NTF3: variants seen among roughly 807,000 people sequenced by gnomAD.
The protein encoded by NTF3 is neurotrophin-3.
NTF3 carries 8 observed loss-of-function variants against 26.3 expected under a neutral mutation model. The ratio of observed to expected loss-of-function variants is 0.30; its 90% CI spans 0.18 to 0.55. NTF3 has a LOEUF of 0.55. Among genes scored for constraint, NTF3 ranks in the 20% least tolerant of loss-of-function variants. The probability of loss-of-function intolerance (pLI) is 0.93; values close to 1 mark genes in which losing one functional copy is unlikely to be tolerated. For missense variants in NTF3, 276 were observed against 352.9 expected (o/e 0.78, Z 1.75); for synonymous variants, 154 against 145.5 (o/e 1.06, Z -0.42).
At chr12:5,448,859 G>A (rs1227222654) in intron 1 of NTF3, among the ~76,000 whole-genome samples, 3 of 152,310 alleles carry the variant, frequency 2.0e-5, no homozygotes, top group Non-Finnish European at 4.4e-5. Flanking sequence ...TGTGAAAAAT[G>A]AACTCTGCCC....
At chr12:5,432,888 C>G (rs568716762) in intron 1 of NTF3, among the ~76,000 whole-genome samples, 1 of 152,200 alleles carries the variant, frequency 6.6e-6, no homozygotes, top group Non-Finnish European at 1.5e-5. Flanking sequence ...GCCGCGGCAG[C>G]TCCCCTGCAC....
chr12:5,487,126 T>C (rs1221516136), intron 1 of NTF3, among the ~76,000 whole-genome samples: 1 of 152,222 alleles, frequency 6.6e-6, no homozygotes, highest in African/African-American at 2.4e-5. Context: ...AACCTGAGTT[T>C]CCTGGGGCTT....
intron 1 of NTF3, among the ~76,000 whole-genome samples, chr12:5,453,978 G>A (rs1386037066): frequency 1.3e-5 from 2 of 152,240 alleles, no homozygotes; most frequent in Non-Finnish European, 2.9e-5. Context: ...ACAACAGAGT[G>A]AGGCCCTTGG....
chr12:5,461,191 A>G (rs964893657), intron 1 of NTF3, among the ~76,000 whole-genome samples: 1 of 152,200 alleles, frequency 6.6e-6, no homozygotes, highest in Non-Finnish European at 1.5e-5. Flanking sequence ...GATTTGCCCA[A>G]AGAGCATTTC....
intron 1 of NTF3, among the ~76,000 whole-genome samples, chr12:5,448,429 C>T (rs1473506089): frequency 1.3e-5 from 2 of 152,066 alleles, no homozygotes; most frequent in Non-Finnish European, 2.9e-5. Flanking sequence ...ACAGATTCTC[C>T]GACATGCCTC....
chr12:5,447,986 G>T (rs1398900980), intron 1 of NTF3, among the ~76,000 whole-genome samples: 1 of 152,204 alleles, frequency 6.6e-6, no homozygotes, highest in Non-Finnish European at 1.5e-5. Flanking sequence ...TAAAAATGGT[G>T]TCCAGGAAAC....
rs35988749 is a variant in NTF3, at chr12:5,494,484, C to T, written c.309C>T (p.Thr103=). 5,537 of 1,613,804 alleles carry T rather than the reference C, an allele frequency of 3.4e-3. 11 individuals are homozygous for T. The highest frequency in any genetic ancestry group is 4.3e-3 in the Non-Finnish European group (5,062 of 1,180,032). The change falls in exon 2 of 2, where the codon ACC becomes ACT. Residue 103 remains threonine, a synonymous_variant. Coordinates refer to ENST00000423158, the MANE Select transcript of NTF3 (RefSeq NM_001102654.2). This position sits in a 1 kb window ranked among gnomAD's most constrained non-coding sequence, Gnocchi z 8.3. ...TCCAGCCGGTGATTGCAATGGACAC[C>T]GAACTGCTGCGACAACAGAGACGCT... The part of the protein sequence containing the change: ...SAFQPVIAMD[T]ELLRQQRRYN...
At chr12:5,454,576 C>A (rs1166996759) in intron 1 of NTF3, among the ~76,000 whole-genome samples, 1 of 152,200 alleles carries the variant, frequency 6.6e-6, no homozygotes, top group Non-Finnish European at 1.5e-5. Flanking sequence ...ATAGTCAGTT[C>A]TCTTTGGGGT....
At chr12:5,455,434 G>T (rs1039966008) in intron 1 of NTF3, among the ~76,000 whole-genome samples, 3 of 151,976 alleles carry the variant, frequency 2.0e-5, no homozygotes, top group Non-Finnish European at 2.9e-5. Flanking sequence ...CAGGGCTTAG[G>T]GCAGAAGTGC....
At chr12:5,475,768 C>T (rs551422092) in intron 1 of NTF3, among the ~76,000 whole-genome samples, 6 of 151,482 alleles carry the variant, frequency 4.0e-5, no homozygotes, top group African/African-American at 7.3e-5. Context: ...CCCAAGAGGT[C>T]GGGGCTGCAG....
chr12:5,448,125 A>T (rs1463674315), intron 1 of NTF3, among the ~76,000 whole-genome samples: 2 of 152,166 alleles, frequency 1.3e-5, no homozygotes, highest in African/African-American at 2.4e-5. Flanking sequence ...TCCTCCTCTT[A>T]CATGAGAATG....
chr12:5,445,857 G>A (rs1940299269), intron 1 of NTF3, among the ~76,000 whole-genome samples: 1 of 152,154 alleles, frequency 6.6e-6, no homozygotes, highest in Admixed American at 6.5e-5. Context: ...TTCTTCTAAG[G>A]ATGTTCAACT....
At position 5,491,495 on chromosome 12, in the gene NTF3, C is replaced by A. The variant is rs567874101; in HGVS notation, c.19-2699C>A. Among the ~76,000 whole-genome samples, 3 of 152,194 alleles carry A rather than the reference C, an allele frequency of 2.0e-5. No homozygotes were observed. The East Asian group carries it at 5.8e-4, about 29-fold the overall frequency. On this transcript the variant is annotated intron_variant, in intron 1 of 1. Transcript: ENST00000423158. ...AAGTGGCAGGTGCTATCGTTGGGAT[C>A]TTGGGGGAGCATTGTAGAAAGGTCA...
chr12:5,457,790 C>G (rs984547449), intron 1 of NTF3, among the ~76,000 whole-genome samples: 1 of 152,118 alleles, frequency 6.6e-6, no homozygotes, highest in Non-Finnish European at 1.5e-5. Flanking sequence ...TGTCTTTCAC[C>G]TTAATAAATG....
chr12:5,430,951 G>C (rs1940078445), upstream of NTF3, among the ~76,000 whole-genome samples: 1 of 152,000 alleles, frequency 6.6e-6, no homozygotes, highest in Admixed American at 6.6e-5. Context: ...CTCTGCTTCC[G>C]GGCTCTCGAT....
At chr12:5,461,037 T>C (rs983446931) in intron 1 of NTF3, among the ~76,000 whole-genome samples, 1 of 152,122 alleles carries the variant, frequency 6.6e-6, no homozygotes, top group Non-Finnish European at 1.5e-5. Context: ...TTCTAACCAC[T>C]TGGATTTGGG....
In NTF3 at chr12:5,443,666, T is replaced by G. The variant is rs970507949; in HGVS notation, c.18+11324T>G. 2.4e-4 allele frequency among the ~76,000 whole-genome samples: 36 copies of G among 152,308 alleles called. 1 individual carries two copies. Among genetic ancestry groups the G allele is most frequent in the African/African-American group, 7.5e-4 (31 of 41,562 alleles). On this transcript the variant is annotated intron_variant, in intron 1 of 1. Coordinates refer to ENST00000423158, the MANE Select transcript of NTF3 (RefSeq NM_001102654.2). Reference sequence around the variant, plus strand: ...ATTAGAATTCATTCCATGATTGTTTTTATGGAGGTTTTCTTTGAGTATTTG... The same window carrying G: ...ATTAGAATTCATTCCATGATTGTTTGTATGGAGGTTTTCTTTGAGTATTTG...
chr12:5,445,929 A>G (rs1940300198), intron 1 of NTF3, among the ~76,000 whole-genome samples: 1 of 152,190 alleles, frequency 6.6e-6, no homozygotes, highest in African/African-American at 2.4e-5. Context: ...ATTGGACGCT[A>G]GGAGGATAAG....
rs1391494696 is a variant in NTF3, at chr12:5,494,430, G to A, written c.255G>A (p.Pro85=). 2.5e-6 allele frequency: 4 copies of A among 1,612,024 alleles called. No homozygotes were observed. The highest frequency in any genetic ancestry group is 3.4e-6 in the Non-Finnish European group (4 of 1,179,984). ...CCAAAGCTGAGGCTCCCCGAGAGCC[G>A]GAGCGGGGAGGGCCCGCCAAGTCAG... The part of the protein sequence containing the change: ...TLPKAEAPRE[P]ERGGPAKSAF... Residue 85 remains proline, a synonymous_variant, in exon 2 of 2, where the codon CCG becomes CCA. Transcript: ENST00000423158. This position sits in a 1 kb window ranked among gnomAD's most constrained non-coding sequence, Gnocchi z 8.3.
Sources: gnomAD v4.1 joint callset for allele counts (sites outside exome capture counted in the v4.1 genomes callset) on GRCh38, gnomAD v4.1.1 for gene constraint, Gnocchi (gnomAD v3.1) non-coding constraint, MANE v1.5 for transcripts, NCBI Gene and HGNC (gene_info 2026-07-23, HGNC 2026-07-21) for gene names.